Variants in CDH13 observed in about 807,000 individuals in gnomAD.
The protein encoded by CDH13 is cadherin 13, also known as cadherin-13.
CDH13 carries 24 observed loss-of-function variants against 63.8 expected under a neutral mutation model. That is an observed-to-expected ratio of 0.38 (90% CI 0.27 to 0.53). The LOEUF (loss-of-function observed/expected upper bound fraction) is 0.53, where lower values mean the gene tolerates loss of function less well. CDH13 is among the 20% of genes least tolerant of loss of function. The pLI is 0.85. For synonymous variants in CDH13, 503 were observed against 355.3 expected (o/e 1.42, Z -4.67); for missense variants, 1,049 against 903.1 (o/e 1.16, Z -2.07).
In CDH13 at chr16:82,696,438, A is replaced by G. The variant is rs116616395; in HGVS notation, c.45+69301A>G. Reference sequence around the variant, plus strand: ...GGAACACCGTTGTTTTGTAAGAGTAAGAAATTTTGGTAGTCACAAGGTCTT... The same window carrying G: ...GGAACACCGTTGTTTTGTAAGAGTAGGAAATTTTGGTAGTCACAAGGTCTT... On this transcript the variant is annotated intron_variant, in intron 1 of 13. Transcript: ENST00000567109. Among the ~76,000 whole-genome samples, 829 of 152,350 alleles carry G rather than the reference A, an allele frequency of 5.4e-3. 6 individuals carry two copies. The highest frequency in any genetic ancestry group is 0.017 in the African/African-American group (724 of 41,596).
chr16:83,783,492 G>C lies in CDH13; in HGVS notation c.2134+20G>C. 6.3e-7 allele frequency: 1 copy of C among 1,588,286 alleles called. No individual in the cohort carries two copies. The highest frequency in any genetic ancestry group is 8.6e-7 in the Non-Finnish European group (1 of 1,156,880). On this transcript the variant is annotated intron_variant, in intron 13 of 13. Transcript: ENST00000567109. ...TAGCTTGTAAGTTGACCTAACTCCA[G>C]TGCATGCACAAACAGGAAATTGTAA...
At chr16:83,524,751 C>T (rs538837439) in intron 7 of CDH13, among the ~76,000 whole-genome samples, 2 of 152,188 alleles carry the variant, frequency 1.3e-5, no homozygotes, top group African/African-American at 2.4e-5. Flanking sequence ...CTCGCCCGGC[C>T]AAATTGCATG....
At position 83,678,231 on chromosome 16, in the gene CDH13, C is replaced by G. The variant is rs1204688647; in HGVS notation, c.1308C>G (p.Ala436=). Residue 436 remains alanine, a synonymous_variant, in exon 10 of 14, where the codon GCC becomes GCG. Transcript: ENST00000567109. ...VVKPLDYEIS[A]FHTLLIKVEN... Reference sequence around the variant, plus strand: ...AGCCATTGGACTATGAAATTTCTGCCTTCCACACCCTGCTGATCAAAGTGG... The same window carrying G: ...AGCCATTGGACTATGAAATTTCTGCGTTCCACACCCTGCTGATCAAAGTGG... The G allele has an allele frequency of 1.1e-5, 18 of 1,613,074 alleles. No individual in the cohort carries two copies. The highest frequency in any genetic ancestry group is 2.2e-5 in the East Asian group (1 of 44,872).
chr16:83,536,147 A>G (rs1179660600), intron 7 of CDH13, among the ~76,000 whole-genome samples: 1 of 152,194 alleles, frequency 6.6e-6, no homozygotes, highest in Non-Finnish European at 1.5e-5. Flanking sequence ...CGTAATATCC[A>G]CTGAGTATAT....
intron 1 of CDH13, among the ~76,000 whole-genome samples, chr16:82,668,735 T>A (rs1276966310): frequency 6.6e-6 from 1 of 152,178 alleles, no homozygotes; most frequent in Non-Finnish European, 1.5e-5. Flanking sequence ...GAGTGTTCAG[T>A]AACTTGGGCC....
intron 5 of CDH13, among the ~76,000 whole-genome samples, chr16:83,225,718 A>T (rs914158230): frequency 1.3e-5 from 2 of 152,162 alleles, no homozygotes; most frequent in African/African-American, 4.8e-5. Flanking sequence ...TGCACTCCAA[A>T]CCAATTAAAT....
chr16:83,014,064 T>G (rs764307342), intron 2 of CDH13, among the ~76,000 whole-genome samples: 24 of 151,856 alleles, frequency 1.6e-4, no homozygotes, highest in Non-Finnish European at 2.9e-4. Context: ...GTTCACAGTC[T>G]GATAAGGAAA....
chr16:83,142,277 C>G (rs2036568487), intron 4 of CDH13, among the ~76,000 whole-genome samples: 1 of 150,676 alleles, frequency 6.6e-6, no homozygotes, highest in Admixed American at 6.7e-5. Flanking sequence ...TCTCCTGTCT[C>G]AGCCTCCTGA....
intron 6 of CDH13, among the ~76,000 whole-genome samples, chr16:83,463,516 G>A (rs1039641242): frequency 1.3e-5 from 2 of 152,148 alleles, no homozygotes; most frequent in Non-Finnish European, 2.9e-5. Context: ...AAAGTGGCAT[G>A]CAGGCCAGGT....
chr16:82,685,690 C>A (rs1019379701), intron 1 of CDH13, among the ~76,000 whole-genome samples: 1 of 152,134 alleles, frequency 6.6e-6, no homozygotes, highest in Non-Finnish European at 1.5e-5. Context: ...TGTGAGGGGG[C>A]CAGCAGGTGT....
chr16:83,170,088 C>G (rs1178695467), intron 4 of CDH13, among the ~76,000 whole-genome samples: 1 of 151,976 alleles, frequency 6.6e-6, no homozygotes, highest in East Asian at 1.9e-4. Flanking sequence ...ATGTTAAGCT[C>G]TAATACATAC....
intron 2 of CDH13, among the ~76,000 whole-genome samples, chr16:83,028,091 G>C (rs1597171784): frequency 6.6e-6 from 1 of 152,166 alleles, no homozygotes; most frequent in Admixed American, 6.5e-5. Flanking sequence ...TCACTCCCCA[G>C]CTGAGACTGT....
chr16:83,170,991 C>G (rs753955621), intron 4 of CDH13, among the ~76,000 whole-genome samples: 2 of 151,802 alleles, frequency 1.3e-5, no homozygotes, highest in Non-Finnish European at 2.9e-5. Context: ...TTTACCCGCC[C>G]GCCTCCTTTT....
Position 83,748,349 on chromosome 16 carries a change from G to A in CDH13, c.1681+99G>A, listed in dbSNP as rs184761399. The A allele has an allele frequency of 7.1e-6, 8 of 1,131,944 alleles. No homozygotes were observed. The African/African-American group carries it at 1.2e-4, about 17-fold the overall frequency. 70.1% of individuals were successfully genotyped at this position (1,131,944 alleles called of 1,614,324 possible). A position where few individuals can be genotyped will look rare whatever the true frequency, so the allele number is the denominator to read the frequency against. On this transcript the variant is annotated intron_variant, in intron 11 of 13. Transcript: ENST00000567109. Reference sequence around the variant, plus strand: ...CTGATACACCCAGGGGTGTTCTTGGGAAGAATGTAAGTGTGTGGGAACAGC... The same window carrying A: ...CTGATACACCCAGGGGTGTTCTTGGAAAGAATGTAAGTGTGTGGGAACAGC...
At chr16:83,630,788 G>A (rs907387162) in intron 8 of CDH13, among the ~76,000 whole-genome samples, 1 of 152,136 alleles carries the variant, frequency 6.6e-6, no homozygotes, top group Non-Finnish European at 1.5e-5. Flanking sequence ...AGGCCCACAA[G>A]GAATTTCCTT....
At chr16:83,674,702 G>A (rs1024621547) in intron 9 of CDH13, among the ~76,000 whole-genome samples, 2 of 152,206 alleles carry the variant, frequency 1.3e-5, no homozygotes, top group African/African-American at 4.8e-5. Context: ...GCAAGGTCCT[G>A]CCACTTAAAA....
chr16:83,230,733 G>A (rs934185280), intron 5 of CDH13, among the ~76,000 whole-genome samples: 1 of 152,174 alleles, frequency 6.6e-6, no homozygotes, highest in East Asian at 1.9e-4. Context: ...GTAGTGGTGA[G>A]CCAAGATCAT....
At chr16:82,853,028 G>A (rs1232335608) in intron 1 of CDH13, among the ~76,000 whole-genome samples, 1 of 152,150 alleles carries the variant, frequency 6.6e-6, no homozygotes, top group African/African-American at 2.4e-5. Context: ...GCAAATAAAT[G>A]GAAGCTAAAA....
chr16:82,682,010 A>C (rs1914601618), intron 1 of CDH13, among the ~76,000 whole-genome samples: 1 of 152,120 alleles, frequency 6.6e-6, no homozygotes, highest in South Asian at 2.1e-4. Context: ...TCACCTTCCA[A>C]ATCAGGTGGG....
Sources: allele counts gnomAD v4.1 joint callset (sites outside exome capture counted in the v4.1 genomes callset), GRCh38; gene constraint gnomAD v4.1.1; transcripts MANE v1.5; gene names NCBI Gene and HGNC (gene_info 2026-07-23, HGNC 2026-07-21).